The following FRMPD1 variants were observed in gnomAD, a reference collection of about 807,000 sequenced individuals.
The protein encoded by FRMPD1 is FERM and PDZ domain-containing protein 1.
FRMPD1 carries 76 observed loss-of-function variants against 117.8 expected under a neutral mutation model. That is an observed-to-expected ratio of 0.65 (90% CI 0.54 to 0.78). The LOEUF is 0.78. Among genes scored for constraint, FRMPD1 ranks in the 30% least tolerant of loss-of-function variants. The probability of loss-of-function intolerance (pLI) is 0.00; values close to 1 mark genes in which losing one functional copy is unlikely to be tolerated. For synonymous variants in FRMPD1, 783 were observed against 770.4 expected, an observed-to-expected ratio of 1.02 and a Z score of -0.27; for missense variants, 1,786 against 1,964.5, an observed-to-expected ratio of 0.91 and a Z score of 1.72.
intron 5 of FRMPD1, among the ~76,000 whole-genome samples, chr9:37,714,378 T>C (rs569970805): frequency 6.6e-6 from 1 of 152,064 alleles, no homozygotes; most frequent in East Asian, 1.9e-4. Flanking sequence ...ATAAAAAGTA[T>C]GGGAAGGTAA....
rs368493087 is a variant in FRMPD1, at chr9:37,746,364, C to T, written c.4332C>T (p.Asn1444=). ...TAGAAACTTCCTGGGGGGTTGGAAA[C>T]AAACATCCCCCAGAGAAGTGCACCT... The part of the protein sequence containing the change: ...DILETSWGVG[N]KHPPEKCTWH... Residue 1444 remains asparagine (N), a synonymous_variant, in exon 16 of 16, where the codon AAC becomes AAT. Coordinates refer to ENST00000377765, the MANE Select transcript of FRMPD1 (RefSeq NM_014907.3). 6 of 1,612,478 alleles carry T rather than the reference C, an allele frequency of 3.7e-6. No homozygotes were observed. In the African/African-American group the frequency reaches 8.0e-5, roughly 22 times the overall value.
the FRMPD1 span, among the ~76,000 whole-genome samples, chr9:37,606,513 C>G: frequency 2.6e-5 from 4 of 152,194 alleles, no homozygotes; most frequent in African/African-American, 9.7e-5. Flanking sequence ...GCCCTGAGTT[C>G]TAAATTTTAA....
chr9:37,671,655 A>G (rs1821355973), intron 1 of FRMPD1, among the ~76,000 whole-genome samples: 1 of 152,180 alleles, frequency 6.6e-6, no homozygotes. Flanking sequence ...AACAAGTGGG[A>G]TATAAACTGA....
At position 37,712,287 on chromosome 9, in the gene FRMPD1, G is replaced by A. The variant is rs547359962; in HGVS notation, c.408+892G>A. Reference sequence around the variant, plus strand: ...AAATGTAATTTCCTAAGTAAAGATTGAGTCAAATAGAAAAAGAAAAACTAT... The same window carrying A: ...AAATGTAATTTCCTAAGTAAAGATTAAGTCAAATAGAAAAAGAAAAACTAT... On this transcript the variant is annotated intron_variant, in intron 5 of 15. Coordinates refer to ENST00000377765, the MANE Select transcript of FRMPD1 (RefSeq NM_014907.3). 5.0e-3 allele frequency among the ~76,000 whole-genome samples: 758 copies of A among 152,228 alleles called. 10 individuals carry two copies. The highest frequency in any genetic ancestry group is 0.01 in the Middle Eastern group (3 of 294).
At chr9:37,630,563 T>A in the FRMPD1 span, among the ~76,000 whole-genome samples, 3 of 152,016 alleles carry the variant, frequency 2.0e-5, no homozygotes, top group African/African-American at 7.3e-5. Flanking sequence ...TTATTTTTAG[T>A]AGAGACGGAG....
chr9:37,638,022 T>TTCTTTCTTTCTTTCTTTCTTTCTTTCTC, the FRMPD1 span, among the ~76,000 whole-genome samples: 1 of 81,022 alleles, frequency 1.2e-5, no homozygotes, highest in African/African-American at 4.9e-5. Flanking sequence ...CTTTCTTTCT[T>TTCTTTCTTTCTTTCTTTCTTTCTTTCTC]TCTCTCTCTT....
chr9:37,736,884 TGC>T (rs34654810), intron 13 of FRMPD1, among the ~76,000 whole-genome samples: 49,869 of 150,090 alleles, frequency 0.33, 8,210 homozygotes, highest in East Asian at 0.43. Context: ...TGTGTATGTG[TGC>T]GCACACACAC....
chr9:37,729,339 C>T (rs113804570), intron 7 of FRMPD1, among the ~76,000 whole-genome samples: 29,606 of 143,768 alleles, frequency 0.21, 3,067 homozygotes, highest in Middle Eastern at 0.29. Flanking sequence ...GCCAAGATCA[C>T]GCCACTGCAC....
chr9:37,662,370 G>T (rs1004476597), intron 1 of FRMPD1, among the ~76,000 whole-genome samples: 1 of 152,186 alleles, frequency 6.6e-6, no homozygotes, highest in East Asian at 1.9e-4. Context: ...ACTTTGGGGG[G>T]TACATTCAAA....
At chr9:37,688,435 G>A (rs1822022242) in intron 1 of FRMPD1, among the ~76,000 whole-genome samples, 1 of 151,656 alleles carries the variant, frequency 6.6e-6, no homozygotes, top group South Asian at 2.1e-4. Context: ...TATTCAAAAG[G>A]TCTGTCCTGG....
At chr9:37,641,217 A>C in the FRMPD1 span, among the ~76,000 whole-genome samples, 1 of 152,316 alleles carries the variant, frequency 6.6e-6, no homozygotes, top group Non-Finnish European at 1.5e-5. Context: ...ATCTTTCTTA[A>C]TACCAGTCAA....
chr9:37,677,144 C>T (rs1181369612), intron 1 of FRMPD1, among the ~76,000 whole-genome samples: 1 of 152,134 alleles, frequency 6.6e-6, no homozygotes, highest in Admixed American at 6.5e-5. Context: ...AGCAACAAGT[C>T]TATGAAAAGG....
chr9:37,634,376 C>T, the FRMPD1 span, among the ~76,000 whole-genome samples: 4 of 152,074 alleles, frequency 2.6e-5, no homozygotes, highest in African/African-American at 4.8e-5. Context: ...ATTTCTCTAG[C>T]GTGTTTTTCT....
chr9:37,630,735 T>G, the FRMPD1 span, among the ~76,000 whole-genome samples: 820 of 152,298 alleles, frequency 5.4e-3, 11 homozygotes, highest in African/African-American at 0.019. Flanking sequence ...TGTCTGGAAT[T>G]AGGTTCACCA....
chr9:37,633,768 A>G, the FRMPD1 span, among the ~76,000 whole-genome samples: 144,589 of 152,312 alleles, frequency 0.95, 69,090 homozygotes, highest in East Asian at 1. Flanking sequence ...GGCTGAGGTG[A>G]AAGGATCATT....
At chr9:37,702,783 G>A (rs1330017457) in intron 2 of FRMPD1, among the ~76,000 whole-genome samples, 1 of 152,186 alleles carries the variant, frequency 6.6e-6, no homozygotes, top group African/African-American at 2.4e-5. Flanking sequence ...GTAAACCATA[G>A]CTTACACAGT....
rs368931368 is a variant in FRMPD1 at position 37,740,423 on chromosome 9, C to T, written c.1895C>T (p.Ser632Leu). The change falls in exon 15 of 16, where the codon TCG (serine) becomes TTG (leucine). Residue 632 changes from serine to leucine, a missense_variant. Coordinates refer to ENST00000377765, the MANE Select transcript of FRMPD1 (RefSeq NM_014907.3). The surrounding 1 kb of genome is among the most constrained non-coding windows in gnomAD (Gnocchi z 4.2). ...AGGTCCACCTTCTTCCACTTTGGCT[C>T]GCCAGGCCTCGCAGAGAGCATTGAC... ...SSRSTFFHFG[S>L]PGLAESIDSD... 73 of 1,614,102 alleles carry T rather than the reference C, an allele frequency of 4.5e-5. No homozygotes were observed. The highest frequency in any genetic ancestry group is 2.7e-4 in the South Asian group (25 of 91,066).
At chr9:37,741,011 G>T (rs1034351637) in intron 15 of FRMPD1, 127 bp downstream of exon 15, 1 of 730,096 alleles carries the variant, frequency 1.4e-6, no homozygotes, top group Admixed American at 2.1e-5. Flanking sequence ...ACACTTCTGA[G>T]GAGGTAGATA....
At chr9:37,718,879 G>A (rs780908646) in intron 5 of FRMPD1, among the ~76,000 whole-genome samples, 190 bp from the exon 6 acceptor site, 3 of 152,172 alleles carry the variant, frequency 2.0e-5, no homozygotes, top group Non-Finnish European at 4.4e-5. Context: ...TCAGGTACAC[G>A]AGAACATTAT....
Sources: gnomAD v4.1 joint callset for allele counts (sites outside exome capture counted in the v4.1 genomes callset) on GRCh38, gnomAD v4.1.1 for gene constraint, Gnocchi (gnomAD v3.1) non-coding constraint, MANE v1.5 for transcripts, NCBI Gene and HGNC (gene_info 2026-07-23, HGNC 2026-07-21) for gene names.